The following TCTN1 variants were observed in gnomAD, a reference collection of about 807,000 sequenced individuals.
The protein encoded by TCTN1 is tectonic-1.
TCTN1 carries 58 observed loss-of-function variants against 65.8 expected under a neutral mutation model. The observed-to-expected ratio is 0.88, with a 90% CI of 0.71 to 1.10. The LOEUF (loss-of-function observed/expected upper bound fraction) is 1.10, where lower values mean the gene tolerates loss of function less well. Among genes scored for constraint, TCTN1 ranks in the 50% least tolerant of loss-of-function variants. The probability of loss-of-function intolerance (pLI) is 0.00; values close to 1 mark genes in which losing one functional copy is unlikely to be tolerated. For synonymous variants in TCTN1, 273 were observed against 289.1 expected (o/e 0.94, Z 0.57); for missense variants, 645 against 719.4 (o/e 0.90, Z 1.18).
At chr12:110,637,053 C>T (rs11610824) in intron 7 of TCTN1, among the ~76,000 whole-genome samples, 2 of 152,192 alleles carry the variant, frequency 1.3e-5, no homozygotes, top group Admixed American at 1.3e-4. Flanking sequence ...GTGGATCCCT[C>T]ACCCCTTATT....
Position 110,647,335 on chromosome 12 carries a change from A to T in TCTN1, c.1634A>T (p.Glu545Val). ...TANLISSSFPEANSGNERTIL... is the reference protein window; with the variant it reads ...TANLISSSFPVANSGNERTIL... ...AATCTAATTTCATCCTCCTTTCCTG[A>T]GGTAGGCCTAACCTAGTTTAAAGGC... Residue 545 changes from glutamate to valine, a missense_variant and splice_region_variant, in exon 13 of 15, where the codon GAG becomes GTG. Coordinates refer to ENST00000397659, the MANE Select transcript of TCTN1 (RefSeq NM_001082538.3). The T allele has an allele frequency of 6.2e-7, 1 of 1,614,164 alleles. No homozygotes were observed. The highest frequency in any genetic ancestry group is 1.1e-5 in the South Asian group (1 of 91,078).
rs763386832 is a variant in TCTN1, at chr12:110,632,519, G to A, written c.672G>A (p.Ser224=). 8.7e-5 allele frequency: 141 copies of A among 1,613,862 alleles called. No individual in the cohort carries two copies. In the Admixed American group the frequency reaches 1.9e-3, roughly 21 times the overall value. ...QTSDSFLRFP[S]SLTSSLCTDN... is the part of the protein sequence containing the mutation. ...CAGATTCGTTTCTGAGATTTCCTTC[G>A]TCCCTGACATCATCTCTGTGCACTG... Residue 224 remains serine (S), a synonymous_variant, in exon 5 of 15, where the codon TCG becomes TCA. Transcript: ENST00000397659.
chr12:110,619,484 G>A lies in TCTN1; in HGVS notation c.221-352G>A, dbSNP rs184603713. ...TGGTGGTTCTTATGGTCAGGCAAAT[G>A]GTTTAGGGGTGCTTGTTCTTAAACT... On this transcript the variant is annotated intron_variant, in intron 1 of 14. Coordinates refer to ENST00000397659, the MANE Select transcript of TCTN1 (RefSeq NM_001082538.3). Among the ~76,000 whole-genome samples, 444 of 152,284 alleles carry A rather than the reference G, an allele frequency of 2.9e-3. 2 individuals carry two copies. The highest frequency in any genetic ancestry group is 7.2e-3 in the Admixed American group (110 of 15,282).
At chr12:110,647,581 T>C in intron 13 of TCTN1, 168 bp from the exon 14 acceptor site, 1 of 1,108,134 alleles carries the variant, frequency 9.0e-7, no homozygotes, top group East Asian at 2.5e-5. Context: ...TCAGACACCC[T>C]GGTAAAATTG....
At chr12:110,646,760 T>G in intron 12 of TCTN1, 1 of 220,356 alleles carries the variant, frequency 4.5e-6, no homozygotes, top group East Asian at 1.3e-4. Context: ...GCACTTAAAT[T>G]TCCCCTTAGA....
intron 1 of TCTN1, among the ~76,000 whole-genome samples, chr12:110,615,462 A>T (rs1261248211): frequency 1.3e-5 from 2 of 152,096 alleles, no homozygotes; most frequent in African/African-American, 4.8e-5. Flanking sequence ...ATAGATATGC[A>T]GTACTTTTAA....
chr12:110,622,887 T>C (rs2065540556), intron 2 of TCTN1, among the ~76,000 whole-genome samples: 1 of 152,190 alleles, frequency 6.6e-6, no homozygotes. Context: ...AAAAAGCTAT[T>C]GCAGATGCGG....
intron 6 of TCTN1, chr12:110,635,962 T>C (rs1246133704): frequency 5.9e-6 from 1 of 170,162 alleles, no homozygotes; most frequent in Non-Finnish European, 1.3e-5. Flanking sequence ...TCTATTTGTC[T>C]CCCTCCCCAC....
rs1177304140 is a variant in TCTN1 at position 110,639,709 on chromosome 12, G to A, written c.844-674G>A. 6.6e-6 allele frequency among the ~76,000 whole-genome samples: 1 copy of A among 152,070 alleles called. No homozygotes were observed. Among genetic ancestry groups the A allele is most frequent in the Non-Finnish European group, 1.5e-5 (1 of 68,034 alleles). ...ATACCATAAAACTCACCATTTTAAAGTATACAATTCTGTGGTTTTTAGTAT... is the reference window on the plus strand; with the variant it reads ...ATACCATAAAACTCACCATTTTAAAATATACAATTCTGTGGTTTTTAGTAT... On this transcript the variant is annotated intron_variant, in intron 7 of 14. Transcript: ENST00000397659. This position sits in a 1 kb window ranked among gnomAD's most constrained non-coding sequence, Gnocchi z 4.9.
At chr12:110,631,093 A>G (rs2066200726) in intron 4 of TCTN1, among the ~76,000 whole-genome samples, 1 of 152,054 alleles carries the variant, frequency 6.6e-6, no homozygotes, top group Non-Finnish European at 1.5e-5. Flanking sequence ...CAGCCTCCCA[A>G]GTAGCTGGGA....
intron 5 of TCTN1, among the ~76,000 whole-genome samples, chr12:110,632,942 A>G (rs1484696957): frequency 6.6e-6 from 1 of 152,182 alleles, no homozygotes; most frequent in East Asian, 1.9e-4. Context: ...TTAAGCACAT[A>G]TTGTGTGCTG....
At chr12:110,647,160 G>A in intron 12 of TCTN1, 36 bp from the exon 13 acceptor site, 1 of 1,613,688 alleles carries the variant, frequency 6.2e-7, no homozygotes, top group Non-Finnish European at 8.5e-7. Context: ...GATTAAGTCT[G>A]ACTTGCAGTT....
At position 110,642,273 on chromosome 12, in the gene TCTN1, T is replaced by C; in HGVS notation, c.1215T>C (p.Asn405=). 6.2e-7 allele frequency: 1 copy of C among 1,614,176 alleles called. No individual in the cohort carries two copies. The highest frequency in any genetic ancestry group is 1.1e-5 in the South Asian group (1 of 91,090). ...TGTCTGGGATTATTCAGACCACAAA[T>C]AGATATGGACAGCTTACTATTCTTC... ...HKGSGIIQTT[N]RYGQLTILHS... is the part of the protein sequence containing the mutation. Residue 405 remains asparagine (N), a synonymous_variant, in exon 11 of 15, where the codon AAT becomes AAC. Coordinates refer to ENST00000397659, the MANE Select transcript of TCTN1 (RefSeq NM_001082538.3).
Position 110,642,370 on chromosome 12 carries a change from C to A in TCTN1, c.1312C>A (p.Gln438Lys). ...CCCAGTATTATTTGGTTACACTATG[C>A]AATCTGGCTGTAAACTAAGGTAAAA... ...RTPVLFGYTM[Q>K]SGCKLRLTGA... The change falls in exon 11 of 15, where the codon CAA (glutamine) becomes AAA (lysine). Residue 438 changes from glutamine (Q) to lysine (K), a missense_variant. Gln to Lys is a moderately conservative substitution (Grantham distance 53). Transcript: ENST00000397659. 6.2e-7 allele frequency: 1 copy of A among 1,614,200 alleles called. No individual in the cohort carries two copies. The highest frequency in any genetic ancestry group is 8.5e-7 in the Non-Finnish European group (1 of 1,180,032).
At chr12:110,619,355 A>T (rs1341676652) in intron 1 of TCTN1, among the ~76,000 whole-genome samples, 1 of 152,148 alleles carries the variant, frequency 6.6e-6, no homozygotes, top group Non-Finnish European at 1.5e-5. Context: ...TTATACGTGA[A>T]GAGGGGGCAA....
At chr12:110,647,409 G>A in intron 13 of TCTN1, 73 bp downstream of exon 13, 1 of 1,578,930 alleles carries the variant, frequency 6.3e-7, no homozygotes, top group Non-Finnish European at 8.7e-7. Context: ...GTAGGTGACA[G>A]GTATTACTTT....
chr12:110,642,415 G>A (rs765244129), intron 11 of TCTN1, 26 bp downstream of exon 11: 1 of 1,614,128 alleles, frequency 6.2e-7, no homozygotes, highest in Non-Finnish European at 8.5e-7. Context: ...GTTTCTGTTT[G>A]AACTTGTGCT....
intron 5 of TCTN1, among the ~76,000 whole-genome samples, chr12:110,634,134 A>T (rs767774353): frequency 1.3e-5 from 2 of 152,228 alleles, no homozygotes; most frequent in Non-Finnish European, 2.9e-5. Flanking sequence ...TATATATTGT[A>T]CATTTGTTTC....
intron 2 of TCTN1, 125 bp downstream of exon 2, chr12:110,620,081 G>A (rs1593226488): frequency 2.7e-5 from 39 of 1,419,930 alleles, no homozygotes; most frequent in Non-Finnish European, 9.9e-7. Flanking sequence ...ACGTCGTTCT[G>A]AAGCCATACC....
Sources: allele counts gnomAD v4.1 joint callset (sites outside exome capture counted in the v4.1 genomes callset), GRCh38; gene constraint gnomAD v4.1.1; non-coding constraint Gnocchi (gnomAD v3.1); transcripts MANE v1.5; gene names NCBI Gene and HGNC (gene_info 2026-07-23, HGNC 2026-07-21).